The following CD40 variants were observed in gnomAD, a reference collection of about 807,000 sequenced individuals.
The protein encoded by CD40 is tumor necrosis factor receptor superfamily member 5.
In CD40, 19 loss-of-function variants were observed where a neutral mutation model predicts 38.5. The ratio of observed to expected loss-of-function variants is 0.49; its 90% CI spans 0.34 to 0.72. The LOEUF (loss-of-function observed/expected upper bound fraction) is 0.72. Ranked by LOEUF, CD40 falls within the 30% of genes least tolerant of loss-of-function variation. CD40 has a pLI of 0.01. For synonymous variants in CD40, 130 were observed against 128.7 expected, an observed-to-expected ratio of 1.01 and a Z score of -0.07; for missense variants, 256 against 344.1, an observed-to-expected ratio of 0.74 and a Z score of 2.03.
In CD40 at chr20:46,128,370, CT is replaced by C; in HGVS notation, c.675+13del. On this transcript the variant is annotated intron_variant, in intron 8 of 8. Coordinates refer to ENST00000372285, the MANE Select transcript of CD40 (RefSeq NM_001250.6). ...AGCCAACCAATAAGGTAGGTCACCCCTGAGAACCCGGGACAGAGTTTTGACA... is the reference window on the plus strand; with the variant it reads ...AGCCAACCAATAAGGTAGGTCACCCCGAGAACCCGGGACAGAGTTTTGACA... The C allele has an allele frequency of 6.2e-7, 1 of 1,611,240 alleles. No individual in the cohort carries two copies. Among genetic ancestry groups the C allele is most frequent in the Non-Finnish European group, 8.5e-7 (1 of 1,179,252 alleles).
In CD40 at chr20:46,128,977, A is replaced by C. The variant is rs777475990; in HGVS notation, c.771A>C (p.Gly257=). ...TAAPVQETLH[G]CQPVTQEDGK... is the part of the protein sequence containing the mutation. ...CTCCAGTGCAGGAGACTTTACATGG[A>C]TGCCAACCGGTCACCCAGGAGGATG... The change falls in exon 9 of 9, where the codon GGA becomes GGC. Residue 257 remains glycine (G), a synonymous_variant. Transcript: ENST00000372285. 6.2e-7 allele frequency: 1 copy of C among 1,614,030 alleles called. No individual in the cohort carries two copies. Among genetic ancestry groups the C allele is most frequent in the African/African-American group, 1.3e-5 (1 of 74,916 alleles).
At chr20:46,127,859 AC>A (rs2145611623) in intron 6 of CD40, 1 of 512,636 alleles carries the variant, frequency 2.0e-6, no homozygotes, top group South Asian at 2.1e-5. Flanking sequence ...GCCAACTGGA[AC>A]CCAGTCTTCC....
intron 6 of CD40, 142 bp downstream of exon 6, chr20:46,126,843 T>C (rs2085447487): frequency 1.4e-6 from 2 of 1,421,700 alleles, no homozygotes; most frequent in Admixed American, 3.9e-5. Context: ...GCCACTTATC[T>C]TGGGAGTCTG....
At position 46,122,408 on chromosome 20, in the gene CD40, C is replaced by G. The variant is rs201089032; in HGVS notation, c.256+50C>G. 1.3e-3 allele frequency: 2,019 copies of G among 1,612,578 alleles called. 3 individuals are homozygous for G. Among genetic ancestry groups the G allele is most frequent in the Non-Finnish European group, 1.5e-3 (1,764 of 1,179,190 alleles). ...CGCTTGGGAACCGGGCTGATATTCCCGACAATGCAGCCATTCTAATTTTAT... is the reference window on the plus strand; with the variant it reads ...CGCTTGGGAACCGGGCTGATATTCCGGACAATGCAGCCATTCTAATTTTAT... On this transcript the variant is annotated intron_variant, in intron 3 of 8. Transcript: ENST00000372285. The surrounding 1 kb of genome is among the most constrained non-coding windows in gnomAD (Gnocchi z 5.0).
intron 5 of CD40, 117 bp from the exon 6 acceptor site, chr20:46,126,523 C>A (rs1788136840): frequency 7.5e-6 from 9 of 1,196,806 alleles, no homozygotes; most frequent in Non-Finnish European, 1.1e-5. Flanking sequence ...GCTCAGTGAA[C>A]CTGGATTTGT....
Position 46,128,867 on chromosome 20 carries a change from A to T in CD40, c.676-15A>T. Reference sequence around the variant, plus strand: ...CCCCTGCTGCTGGGGGTGACCTCACACCTTGCCTCTCCAGGCCCCCCACCC... The same window carrying T: ...CCCCTGCTGCTGGGGGTGACCTCACTCCTTGCCTCTCCAGGCCCCCCACCC... On this transcript the variant is annotated splice_polypyrimidine_tract_variant and intron_variant, in intron 8 of 8. Transcript: ENST00000372285. The T allele has an allele frequency of 6.2e-7, 1 of 1,613,766 alleles. No individual in the cohort carries two copies. The highest frequency in any genetic ancestry group is 8.5e-7 in the Non-Finnish European group (1 of 1,179,810).
chr20:46,128,405 A>T, intron 8 of CD40, 47 bp downstream of exon 8: 1 of 1,602,316 alleles, frequency 6.2e-7, no homozygotes. Flanking sequence ...CAAACTGGGA[A>T]GATGGCCTCA....
At chr20:46,125,880 C>A (rs2085425131) in intron 5 of CD40, among the ~76,000 whole-genome samples, 1 of 152,156 alleles carries the variant, frequency 6.6e-6, no homozygotes, top group Admixed American at 6.5e-5. Context: ...GTTCTAAAGA[C>A]ACAATTTTCC....
chr20:46,121,712 C>T (rs2085321008), intron 1 of CD40, 108 bp from the exon 2 acceptor site: 4 of 849,524 alleles, frequency 4.7e-6, no homozygotes, highest in South Asian at 4.0e-5. Flanking sequence ...TCTGTTTTGA[C>T]TTGCACTTCA....
At chr20:46,128,251 G>C in intron 7 of CD40, 27 bp downstream of exon 7, 5 of 1,613,176 alleles carry the variant, frequency 3.1e-6, no homozygotes, top group Non-Finnish European at 3.4e-6. Flanking sequence ...GGAGGTGTTG[G>C]GGGAGGGAGG....
At chr20:46,125,410 G>A (rs1039445758) in intron 5 of CD40, among the ~76,000 whole-genome samples, 13 of 151,750 alleles carry the variant, frequency 8.6e-5, no homozygotes, top group African/African-American at 3.1e-4. Flanking sequence ...TGGGCGTGGT[G>A]GCGCACATCT....
intron 5 of CD40, among the ~76,000 whole-genome samples, chr20:46,123,645 C>T (rs534985611): frequency 3.2e-4 from 49 of 152,306 alleles, no homozygotes; most frequent in African/African-American, 8.9e-4. Context: ...TGGCTGTCTA[C>T]GTGTTTTGGG....
rs752136889 is a variant in CD40, at chr20:46,122,267, T to G, written c.165T>G (p.Thr55=). ...QKLVSDCTEF[T]ETECLPCGES... ...TGGTGAGTGACTGCACAGAGTTCAC[T>G]GAAACGGAATGCCTTCCTTGCGGTG... The change falls in exon 3 of 9, where the codon ACT becomes ACG. Residue 55 remains threonine, a synonymous_variant. Transcript: ENST00000372285. The surrounding 1 kb of genome is among the most constrained non-coding windows in gnomAD (Gnocchi z 5.0). 7 of 1,614,060 alleles carry G rather than the reference T, an allele frequency of 4.3e-6. No individual in the cohort carries two copies. In the South Asian group the frequency reaches 5.5e-5, roughly 13 times the overall value.
chr20:46,121,781 A>G, intron 1 of CD40, 39 bp from the exon 2 acceptor site: 1 of 1,516,822 alleles, frequency 6.6e-7, no homozygotes, highest in Non-Finnish European at 9.2e-7. Flanking sequence ...TGCAACGGAG[A>G]TTTCAAGATC....
At chr20:46,121,078 A>C (rs6032668) in intron 1 of CD40, among the ~76,000 whole-genome samples, 1,932 of 152,328 alleles carry the variant, frequency 0.013, 46 homozygotes, top group African/African-American at 0.044. Flanking sequence ...AAATAAAATA[A>C]AAGTATTGAA....
intron 6 of CD40, chr20:46,127,861 C>G: frequency 1.9e-6 from 1 of 523,514 alleles, no homozygotes; most frequent in Non-Finnish European, 3.3e-6. Context: ...CAACTGGAAC[C>G]CAGTCTTCCC....
chr20:46,126,784 T>C, intron 6 of CD40, 83 bp downstream of exon 6: 2 of 1,610,234 alleles, frequency 1.2e-6, no homozygotes, highest in Non-Finnish European at 8.5e-7. Context: ...GAACACTGGA[T>C]GGGAAAAAGG....
intron 1 of CD40, 172 bp from the exon 2 acceptor site, chr20:46,121,648 C>T (rs2085319488): frequency 1.4e-6 from 1 of 697,516 alleles, no homozygotes; most frequent in Admixed American, 2.0e-5. Context: ...ATAATCAGCT[C>T]AGTTGACAAT....
rs1263528396 is a variant in CD40, at chr20:46,129,443, G to A, written c.*403G>A. On this transcript the variant is annotated 3_prime_UTR_variant, in exon 9 of 9. Coordinates refer to ENST00000372285, the MANE Select transcript of CD40 (RefSeq NM_001250.6). Reference sequence around the variant, plus strand: ...GCCCATTGCAGCATTGTTTGTGATAGTGAACAACTGGAAGCTGCTTAACTG... The same window carrying A: ...GCCCATTGCAGCATTGTTTGTGATAATGAACAACTGGAAGCTGCTTAACTG... 5 of 244,718 alleles carry A rather than the reference G, an allele frequency of 2.0e-5. No individual in the cohort carries two copies. The highest frequency in any genetic ancestry group is 3.3e-5 in the Non-Finnish European group (4 of 121,516). 15.2% of individuals were successfully genotyped at this position (244,718 alleles called of 1,614,324 possible).
Sources: gnomAD v4.1 joint callset for allele counts (sites outside exome capture counted in the v4.1 genomes callset) on GRCh38, gnomAD v4.1.1 for gene constraint, Gnocchi (gnomAD v3.1) non-coding constraint, MANE v1.5 for transcripts, NCBI Gene and HGNC (gene_info 2026-07-23, HGNC 2026-07-21) for gene names.